The following KHDRBS2 variants were observed in gnomAD, a reference collection of about 807,000 sequenced individuals.
KHDRBS2 encodes the protein KH RNA binding domain containing, signal transduction associated 2.
KHDRBS2 carries 26 observed loss-of-function variants against 44.3 expected under a neutral mutation model. The observed-to-expected ratio is 0.59, with a 90% CI of 0.43 to 0.81. KHDRBS2 has a LOEUF of 0.81. KHDRBS2 is among the 40% of genes least tolerant of loss of function. The pLI is 0.00. For missense variants in KHDRBS2, 476 were observed against 433.1 expected (o/e 1.10, Z -0.88); for synonymous variants, 194 against 151.1 (o/e 1.28, Z -2.08).
intron 3 of KHDRBS2, among the ~76,000 whole-genome samples, chr6:61,990,997 T>G (rs1221505515): frequency 6.6e-6 from 1 of 152,160 alleles, no homozygotes; most frequent in African/African-American, 2.4e-5. Context: ...CATGAGCCAC[T>G]GCAACCAGCC....
At chr6:62,243,693 C>T (rs1313895170) in intron 1 of KHDRBS2, among the ~76,000 whole-genome samples, 1 of 151,830 alleles carries the variant, frequency 6.6e-6, no homozygotes, top group Non-Finnish European at 1.5e-5. Flanking sequence ...CTAGGAAAAG[C>T]ATGGGTTTCA....
At chr6:61,901,413 G>A (rs1195165807) in intron 4 of KHDRBS2, 42 bp from the exon 5 acceptor site, 1 of 1,505,864 alleles carries the variant, frequency 6.6e-7, no homozygotes, top group Admixed American at 2.0e-5. Context: ...AATGGGACAT[G>A]CCGTTCTCAG....
chr6:61,810,458 A>G (rs1341524544), intron 6 of KHDRBS2, among the ~76,000 whole-genome samples: 2 of 152,130 alleles, frequency 1.3e-5, no homozygotes, highest in Non-Finnish European at 2.9e-5. Flanking sequence ...TAATTTCTCC[A>G]GAGCAGCATT....
chr6:61,606,865 A>G, the KHDRBS2 span, among the ~76,000 whole-genome samples: 1 of 152,186 alleles, frequency 6.6e-6, no homozygotes, highest in Non-Finnish European at 1.5e-5. Context: ...CTCTAAATAG[A>G]TATCTCAAAC....
the KHDRBS2 span, among the ~76,000 whole-genome samples, chr6:61,607,545 A>AAAAAAT: frequency 6.8e-6 from 1 of 147,572 alleles, no homozygotes; most frequent in Non-Finnish European, 1.5e-5. Flanking sequence ...AAAAAAAAAA[A>AAAAAAT]GATGTGTGAG....
chr6:62,116,041 CTT>C (rs1362635993), intron 2 of KHDRBS2, among the ~76,000 whole-genome samples: 1 of 151,974 alleles, frequency 6.6e-6, no homozygotes, highest in African/African-American at 2.4e-5. Context: ...AAATTCATGA[CTT>C]CAGATATTTC....
intron 1 of KHDRBS2, among the ~76,000 whole-genome samples, chr6:62,258,119 T>C (rs1283334683): frequency 2.0e-5 from 3 of 151,978 alleles, no homozygotes; most frequent in African/African-American, 7.2e-5. Context: ...TATAATGCTG[T>C]GTTTTGATTA....
chr6:61,560,019 C>A, the KHDRBS2 span, among the ~76,000 whole-genome samples: 1 of 152,092 alleles, frequency 6.6e-6, no homozygotes, highest in Non-Finnish European at 1.5e-5. Context: ...AATCCCTCAG[C>A]TTTTGCTTGG....
intron 6 of KHDRBS2, among the ~76,000 whole-genome samples, chr6:61,733,303 C>G (rs1172102001): frequency 6.6e-6 from 1 of 152,042 alleles, no homozygotes; most frequent in African/African-American, 2.4e-5. Flanking sequence ...GAAATAAAGA[C>G]TTCGTGGCCG....
intron 4 of KHDRBS2, among the ~76,000 whole-genome samples, chr6:61,957,157 G>A (rs1767556373): frequency 6.6e-6 from 1 of 152,054 alleles, no homozygotes; most frequent in Non-Finnish European, 1.5e-5. Context: ...GGTTTCCTAT[G>A]CCTGTCCTTA....
intron 3 of KHDRBS2, among the ~76,000 whole-genome samples, chr6:62,033,444 G>T (rs1452340600): frequency 6.6e-6 from 1 of 151,730 alleles, no homozygotes; most frequent in African/African-American, 2.4e-5. Flanking sequence ...CAAGAATAAA[G>T]TAAAGCTACT....
At chr6:62,030,629 C>T (rs1055238894) in intron 3 of KHDRBS2, among the ~76,000 whole-genome samples, 2 of 152,112 alleles carry the variant, frequency 1.3e-5, no homozygotes, top group African/African-American at 4.8e-5. Context: ...ATAGATGTTA[C>T]TAACGTCAAG....
chr6:61,893,113 G>C (rs1802281467), intron 6 of KHDRBS2, among the ~76,000 whole-genome samples: 1 of 152,138 alleles, frequency 6.6e-6, no homozygotes, highest in African/African-American at 2.4e-5. Context: ...CTTCTCAAAA[G>C]AAGACATTTA....
At chr6:62,164,299 G>A (rs1818232492) in intron 2 of KHDRBS2, among the ~76,000 whole-genome samples, 1 of 151,808 alleles carries the variant, frequency 6.6e-6, no homozygotes. Context: ...ACAATCAAAT[G>A]AGTCATATGT....
chr6:61,679,526 A>G (rs1441799565), downstream of KHDRBS2, among the ~76,000 whole-genome samples: 1 of 151,958 alleles, frequency 6.6e-6, no homozygotes, highest in Admixed American at 6.6e-5. Flanking sequence ...TCATCCTTTG[A>G]GTCCTGCGAC....
At chr6:62,134,001 G>A (rs1810943496) in intron 2 of KHDRBS2, among the ~76,000 whole-genome samples, 1 of 152,176 alleles carries the variant, frequency 6.6e-6, no homozygotes, top group Admixed American at 6.5e-5. Flanking sequence ...GCAGCCTGAT[G>A]ATGCAACAGA....
intron 3 of KHDRBS2, among the ~76,000 whole-genome samples, chr6:62,037,232 A>G (rs1219931659): frequency 6.6e-6 from 1 of 151,966 alleles, no homozygotes; most frequent in Non-Finnish European, 1.5e-5. Flanking sequence ...CAGCAAAGGT[A>G]GGATATGTCT....
chr6:62,161,577 G>C (rs897095844), intron 2 of KHDRBS2, among the ~76,000 whole-genome samples: 1 of 131,972 alleles, frequency 7.6e-6, no homozygotes, highest in Admixed American at 7.5e-5. Context: ...TATTTGCGGG[G>C]GGGGGGGGGG....
chr6:62,105,425 T>G (rs1562871282), intron 2 of KHDRBS2, among the ~76,000 whole-genome samples: 1 of 152,200 alleles, frequency 6.6e-6, no homozygotes, highest in Non-Finnish European at 1.5e-5. Flanking sequence ...TTTTGGTTGG[T>G]AAGCTATTGA....
Sources: allele counts gnomAD v4.1 joint callset (sites outside exome capture counted in the v4.1 genomes callset), GRCh38; gene constraint gnomAD v4.1.1; transcripts MANE v1.5; gene names NCBI Gene and HGNC (gene_info 2026-07-23, HGNC 2026-07-21).